Variants in PTK2 observed in about 807,000 individuals in gnomAD.
PTK2 encodes protein tyrosine kinase 2, also known as focal adhesion kinase 1.
Under a neutral mutation model 150.1 loss-of-function variants are expected in PTK2, and 45 were observed. That is an observed-to-expected ratio of 0.30 (90% CI 0.24 to 0.38). The LOEUF is 0.38. PTK2 is among the 10% of genes least tolerant of loss of function. The probability of loss-of-function intolerance (pLI) is 1.00; values close to 1 mark genes in which losing one functional copy is unlikely to be tolerated. For synonymous variants in PTK2, 432 were observed against 449.2 expected, an observed-to-expected ratio of 0.96 and a Z score of 0.48; for missense variants, 919 against 1,307.3, an observed-to-expected ratio of 0.70 and a Z score of 4.58.
exon 17 of PTK2, chr8:140,752,284 T>C (rs754437206): frequency 1.9e-6 from 3 of 1,614,024 alleles, no homozygotes; most frequent in Admixed American, 3.3e-5. Flanking sequence ...AGTTTTTACA[T>C]GTTTTAATTG....
At chr8:140,751,085 A>G (rs2100062385) in intron 17 of PTK2, among the ~76,000 whole-genome samples, 3 of 152,132 alleles carry the variant, frequency 2.0e-5, no homozygotes, top group Admixed American at 2.0e-4. Flanking sequence ...CCTCAAAAAA[A>G]AAAAGATAAG....
At chr8:140,916,391 A>G (rs370270683) in intron 2 of PTK2, among the ~76,000 whole-genome samples, 42 of 152,346 alleles carry the variant, frequency 2.8e-4, no homozygotes, top group Middle Eastern at 6.8e-3. Flanking sequence ...TTCCAGCCAC[A>G]ATGCCATTTT....
At chr8:140,838,323 A>G (rs2100120060) in intron 7 of PTK2, among the ~76,000 whole-genome samples, 1 of 152,218 alleles carries the variant, frequency 6.6e-6, no homozygotes, top group South Asian at 2.1e-4. Context: ...AATAGGAAAA[A>G]GAAATGCCAA....
At chr8:140,737,372 G>C (rs1180126039) in intron 21 of PTK2, among the ~76,000 whole-genome samples, 2 of 152,076 alleles carry the variant, frequency 1.3e-5, no homozygotes, top group African/African-American at 4.8e-5. Flanking sequence ...CAAAGTACTA[G>C]CATTACAGGC....
chr8:140,892,207 A>G (rs2100154482), intron 2 of PTK2, among the ~76,000 whole-genome samples: 1 of 152,000 alleles, frequency 6.6e-6, no homozygotes, highest in Non-Finnish European at 1.5e-5. Context: ...GACTGTCTCA[A>G]AACAAACAAA....
chr8:140,852,538 A>G (rs986047741), intron 5 of PTK2, among the ~76,000 whole-genome samples: 1 of 152,192 alleles, frequency 6.6e-6, no homozygotes, highest in African/African-American at 2.4e-5. Flanking sequence ...CCTATATTGT[A>G]TTATATCATG....
chr8:140,950,398 A>C (rs1308501887), intron 1 of PTK2, among the ~76,000 whole-genome samples: 1 of 152,220 alleles, frequency 6.6e-6, no homozygotes, highest in Non-Finnish European at 1.5e-5. Flanking sequence ...GGCTGCATGC[A>C]GTACATCTGG....
chr8:140,793,067 A>G (rs996594358), intron 13 of PTK2, among the ~76,000 whole-genome samples: 3 of 152,212 alleles, frequency 2.0e-5, no homozygotes, highest in Non-Finnish European at 4.4e-5. Context: ...AGGTTCTTGT[A>G]AAGATTAGCA....
At chr8:140,895,278 A>G (rs1037979638) in intron 2 of PTK2, among the ~76,000 whole-genome samples, 2 of 152,218 alleles carry the variant, frequency 1.3e-5, no homozygotes, top group Admixed American at 6.5e-5. Flanking sequence ...CTGTAATCCC[A>G]GCACTTTTGG....
intron 1 of PTK2, among the ~76,000 whole-genome samples, chr8:140,952,163 C>A (rs2100179735): frequency 6.6e-6 from 1 of 152,168 alleles, no homozygotes; most frequent in Admixed American, 6.5e-5. Context: ...TATTTTGTGA[C>A]AGGCGTTAAA....
chr8:140,844,716 C>A (rs1238392988), intron 7 of PTK2, among the ~76,000 whole-genome samples: 1 of 152,130 alleles, frequency 6.6e-6, no homozygotes, highest in East Asian at 1.9e-4. Flanking sequence ...TGGTGCCTTC[C>A]ACTGAAGAAT....
At chr8:140,974,967 T>C (rs2100188737) in intron 1 of PTK2, among the ~76,000 whole-genome samples, 1 of 152,216 alleles carries the variant, frequency 6.6e-6, no homozygotes, top group Non-Finnish European at 1.5e-5. Context: ...TCTCTCAGCC[T>C]TGCCATTTCA....
At chr8:140,779,711 C>A (rs2100080584) in intron 14 of PTK2, among the ~76,000 whole-genome samples, 1 of 152,162 alleles carries the variant, frequency 6.6e-6, no homozygotes, top group Non-Finnish European at 1.5e-5. Flanking sequence ...GAGTCTGGGG[C>A]TTCTGGAGGA....
At chr8:140,967,927 G>A (rs1047798066) in intron 1 of PTK2, among the ~76,000 whole-genome samples, 3 of 152,126 alleles carry the variant, frequency 2.0e-5, no homozygotes, top group African/African-American at 7.2e-5. Flanking sequence ...AAGAACACAG[G>A]CCAGAAGTAA....
intron 29 of PTK2, 39 bp from the exon 34 acceptor site, chr8:140,668,463 C>A (rs368275391): frequency 1.3e-6 from 2 of 1,576,222 alleles, no homozygotes; most frequent in Non-Finnish European, 1.7e-6. Flanking sequence ...TGCTCTCCAG[C>A]AGATGGCGTG....
At chr8:140,936,946 T>C (rs2100173847) in intron 1 of PTK2, among the ~76,000 whole-genome samples, 1 of 152,136 alleles carries the variant, frequency 6.6e-6, no homozygotes, top group African/African-American at 2.4e-5. Flanking sequence ...TTATAATGAC[T>C]ACTGCTCTTT....
chr8:140,699,785 A>C (rs1165774607), intron 26 of PTK2, among the ~76,000 whole-genome samples: 1 of 152,230 alleles, frequency 6.6e-6, no homozygotes, highest in Non-Finnish European at 1.5e-5. Flanking sequence ...ATAATTAAAA[A>C]AGCAAATAAC....
intron 27 of PTK2, among the ~76,000 whole-genome samples, chr8:140,686,185 CACT>C (rs2100019681): frequency 6.6e-6 from 1 of 152,082 alleles, no homozygotes; most frequent in Admixed American, 6.6e-5. Flanking sequence ...GGGAGCTAAA[CACT>C]CAGTACACAC....
At chr8:140,877,743 T>C (rs2100146536) in intron 4 of PTK2, among the ~76,000 whole-genome samples, 1 of 152,022 alleles carries the variant, frequency 6.6e-6, no homozygotes. Context: ...AAATTCTATA[T>C]AACCCCACCT....
Sources: gnomAD v4.1 joint callset for allele counts (sites outside exome capture counted in the v4.1 genomes callset) on GRCh38, gnomAD v4.1.1 for gene constraint, MANE v1.5 for transcripts, NCBI Gene and HGNC (gene_info 2026-07-23, HGNC 2026-07-21) for gene names.